The following ROBO2 variants were observed in gnomAD, a reference collection of about 807,000 sequenced individuals.
ROBO2 encodes roundabout homolog 2.
In ROBO2, 53 loss-of-function variants were observed where a neutral mutation model predicts 160.8. The ratio of observed to expected loss-of-function variants is 0.33; its 90% CI spans 0.26 to 0.41. The LOEUF (loss-of-function observed/expected upper bound fraction) is 0.41. Ranked by LOEUF, ROBO2 falls within the 10% of genes least tolerant of loss-of-function variation. The pLI, the probability that ROBO2 is intolerant of heterozygous loss-of-function variation, is 1.00. For missense variants in ROBO2, 1,577 were observed against 1,722.4 expected, an observed-to-expected ratio of 0.92 and a Z score of 1.49; for synonymous variants, 664 against 611.7, an observed-to-expected ratio of 1.09 and a Z score of -1.26.
chr3:77,216,535 A>T (rs2084977600), intron 2 of ROBO2, among the ~76,000 whole-genome samples: 1 of 152,170 alleles, frequency 6.6e-6, no homozygotes, highest in Admixed American at 6.5e-5. Flanking sequence ...GGGTGAGGCG[A>T]TGCCTCGCCC....
intron 2 of ROBO2, among the ~76,000 whole-genome samples, chr3:76,589,843 A>G (rs1056059275): frequency 6.6e-6 from 1 of 152,172 alleles, no homozygotes; most frequent in Non-Finnish European, 1.5e-5. Context: ...ATGATTTACT[A>G]CTGATCACAA....
chr3:77,293,889 TA>T lies in ROBO2; in HGVS notation c.389-183522del, dbSNP rs796664043. Among the ~76,000 whole-genome samples the T allele has an allele frequency of 3.8e-4, 54 of 140,948 alleles. 9 individuals carry two copies. The highest frequency in any genetic ancestry group is 1.5e-3 in the African/African-American group (51 of 34,864). The allele number at this position is 140,948 out of a possible 152,430, so 92.5% of individuals were successfully genotyped here. On this transcript the variant is annotated intron_variant, in intron 2 of 25. Coordinates refer to ENST00000461745, the Ensembl canonical transcript of ROBO2. ...CCAGATGTAAAGTAAAATTGACGGCTAAACGAGTAAGCTGCAGCTAGATCAC... is the reference window on the plus strand; with the variant it reads ...CCAGATGTAAAGTAAAATTGACGGCTAACGAGTAAGCTGCAGCTAGATCAC...
intron 2 of ROBO2, among the ~76,000 whole-genome samples, chr3:76,993,896 C>A (rs112292716): frequency 1.4e-3 from 201 of 147,190 alleles, no homozygotes; most frequent in African/African-American, 4.0e-3. Context: ...AAAAAAAAAA[C>A]AAAACATTGT....
At chr3:77,411,500 T>C (rs1476989930) in intron 2 of ROBO2, among the ~76,000 whole-genome samples, 1 of 152,122 alleles carries the variant, frequency 6.6e-6, no homozygotes, top group Non-Finnish European at 1.5e-5. Flanking sequence ...AGCAGGGGAC[T>C]TGCTAAGTAA....
At chr3:76,192,700 C>T (rs980084126) in intron 2 of ROBO2, among the ~76,000 whole-genome samples, 1 of 152,056 alleles carries the variant, frequency 6.6e-6, no homozygotes, top group African/African-American at 2.4e-5. Context: ...TAAATTACTT[C>T]TGAATTGTGA....
chr3:76,608,001 T>C (rs1253461964), intron 2 of ROBO2, among the ~76,000 whole-genome samples: 1 of 152,164 alleles, frequency 6.6e-6, no homozygotes, highest in Non-Finnish European at 1.5e-5. Context: ...ATTCATAGAG[T>C]TGTTAACATG....
At chr3:77,422,476 G>A (rs182765733) in intron 2 of ROBO2, among the ~76,000 whole-genome samples, 8 of 152,156 alleles carry the variant, frequency 5.3e-5, no homozygotes, top group Admixed American at 1.3e-4. Context: ...TTTTAAAAAC[G>A]TCTTTGCCAC....
At chr3:75,938,698 A>G (rs2107035081) in intron 2 of ROBO2, among the ~76,000 whole-genome samples, 1 of 152,262 alleles carries the variant, frequency 6.6e-6, no homozygotes, top group East Asian at 1.9e-4. Context: ...TGCCATATGT[A>G]ATATTGTTCA....
chr3:76,819,227 A>G (rs1162012172), intron 2 of ROBO2, among the ~76,000 whole-genome samples: 5 of 152,112 alleles, frequency 3.3e-5, no homozygotes, highest in Admixed American at 6.6e-5. Context: ...GTCAGAGAGG[A>G]CATCCCTATC....
At chr3:77,509,493 A>T (rs2089082938) in intron 5 of ROBO2, among the ~76,000 whole-genome samples, 1 of 152,084 alleles carries the variant, frequency 6.6e-6, no homozygotes, top group Admixed American at 6.6e-5. Context: ...GGTCCTGTGA[A>T]AAACTGTGTT....
At chr3:77,195,163 T>C (rs2082203966) in intron 2 of ROBO2, among the ~76,000 whole-genome samples, 1 of 152,136 alleles carries the variant, frequency 6.6e-6, no homozygotes, top group African/African-American at 2.4e-5. Context: ...ATACAGAGTA[T>C]AAATCTAATA....
chr3:77,524,433 G>A (rs2090935011), intron 6 of ROBO2, among the ~76,000 whole-genome samples: 3 of 151,184 alleles, frequency 2.0e-5, no homozygotes, highest in Admixed American at 6.6e-5. Flanking sequence ...CAATTCACTA[G>A]ACCAAATTAT....
chr3:76,238,545 C>T (rs1705094911), intron 2 of ROBO2, among the ~76,000 whole-genome samples: 1 of 150,630 alleles, frequency 6.6e-6, no homozygotes, highest in Non-Finnish European at 1.5e-5. Flanking sequence ...CACCTCCCCC[C>T]AGGTCTCCCC....
chr3:76,218,094 C>T (rs974572452), intron 2 of ROBO2, among the ~76,000 whole-genome samples: 2 of 152,240 alleles, frequency 1.3e-5, no homozygotes, highest in South Asian at 4.2e-4. Flanking sequence ...CAAAAAAGAC[C>T]TTTGACGAAA....
chr3:76,971,551 TAA>T (rs11329448), intron 2 of ROBO2, among the ~76,000 whole-genome samples: 3 of 149,620 alleles, frequency 2.0e-5, no homozygotes, highest in Admixed American at 6.7e-5. Context: ...ACTGTTTCTC[TAA>T]AAAAAAAATA....
intron 2 of ROBO2, among the ~76,000 whole-genome samples, chr3:76,893,944 A>G (rs1243079889): frequency 1.3e-5 from 2 of 152,216 alleles, no homozygotes; most frequent in East Asian, 3.9e-4. Context: ...GTTTTTATAA[A>G]CAAGAAGTGA....
At chr3:76,209,739 A>G (rs1434911153) in intron 2 of ROBO2, among the ~76,000 whole-genome samples, 2 of 152,168 alleles carry the variant, frequency 1.3e-5, no homozygotes, top group African/African-American at 2.4e-5. Context: ...TGCTCATGGA[A>G]TTATTTCATA....
intron 2 of ROBO2, among the ~76,000 whole-genome samples, chr3:77,397,787 A>G (rs540192465): frequency 1.3e-5 from 2 of 152,222 alleles, no homozygotes; most frequent in East Asian, 1.9e-4. Context: ...AGTGCAAACT[A>G]TATAATTTTT....
chr3:76,089,489 A>G (rs1405694292), intron 2 of ROBO2, among the ~76,000 whole-genome samples: 1 of 152,156 alleles, frequency 6.6e-6, no homozygotes, highest in Non-Finnish European at 1.5e-5. Context: ...CACCACAACC[A>G]AATTAGATTT....
Sources: gnomAD v4.1 joint callset for allele counts (sites outside exome capture counted in the v4.1 genomes callset) on GRCh38, gnomAD v4.1.1 for gene constraint, MANE v1.5 for transcripts, NCBI Gene and HGNC (gene_info 2026-07-23, HGNC 2026-07-21) for gene names.